Variants in ARHGAP33 observed in about 807,000 individuals in gnomAD.
The protein encoded by ARHGAP33 is rho GTPase-activating protein 33.
A neutral mutation model predicts 126.2 loss-of-function variants in ARHGAP33; 57 were observed. The observed-to-expected ratio is 0.45, with a 90% CI of 0.36 to 0.56. The LOEUF (loss-of-function observed/expected upper bound fraction) is 0.56, where lower values mean the gene tolerates loss of function less well. ARHGAP33 is among the 20% of genes least tolerant of loss of function. The probability of loss-of-function intolerance (pLI) is 0.00; values close to 1 mark genes in which losing one functional copy is unlikely to be tolerated. For missense variants in ARHGAP33, 1,500 were observed against 1,748.3 expected (o/e 0.86, Z 2.53); for synonymous variants, 711 against 755.0 (o/e 0.94, Z 0.95).
In ARHGAP33 at chr19:35,786,051, C is replaced by T; in HGVS notation, c.1943-362C>T. 8.6e-7 allele frequency: 1 copy of T among 1,168,658 alleles called. No individual in the cohort carries two copies. The highest frequency in any genetic ancestry group is 1.1e-6 in the Non-Finnish European group (1 of 944,888). 72.4% of individuals were successfully genotyped at this position (1,168,658 alleles called of 1,614,324 possible). ...GCTGCTCTCCGACCTCTGCGGGGGG[C>T]TGCTTATCCACCCCACCCAGCCGTG... On this transcript the variant is annotated intron_variant, in intron 19 of 20. Transcript: ENST00000007510. This position sits in a 1 kb window ranked among gnomAD's most constrained non-coding sequence, Gnocchi z 7.0.
chr19:35,785,680 A>C (rs1972075882), intron 19 of ARHGAP33, 197 bp downstream of exon 19: 1 of 1,423,644 alleles, frequency 7.0e-7, no homozygotes, highest in Non-Finnish European at 9.1e-7. Flanking sequence ...AACTTAACTT[A>C]CTCATTGGTC....
Position 35,786,880 on chromosome 19 carries a change from C to T in ARHGAP33, c.2410C>T (p.Pro804Ser), listed in dbSNP as rs770741579. The T allele has an allele frequency of 5.6e-5, 90 of 1,606,696 alleles. No homozygotes were observed. The highest frequency in any genetic ancestry group is 1.6e-4 in the East Asian group (7 of 44,776). ...CTCAGAGCCCCTGGCTGTATCAGTG[C>T]CACCCGCTGTCCTAGAACTGCTGGG... ...DISEPLAVSV[P>S]PAVLELLGAG... Residue 804 changes from proline to serine, a missense_variant, in exon 20 of 21, where the codon CCA becomes TCA. Pro to Ser is a moderately conservative substitution (Grantham distance 74). Transcript: ENST00000007510. The surrounding 1 kb of genome is among the most constrained non-coding windows in gnomAD (Gnocchi z 7.0).
At position 35,786,004 on chromosome 19, in the gene ARHGAP33, A is replaced by G. The variant is rs1402919537; in HGVS notation, c.1943-409A>G. On this transcript the variant is annotated intron_variant, in intron 19 of 20. Transcript: ENST00000007510. This position sits in a 1 kb window ranked among gnomAD's most constrained non-coding sequence, Gnocchi z 7.0. ...TTGGCTTTTTCTCCATCGCTACCTC[A>G]CAGCCCGCCGCGCTGCTGGGTGCTG... is the stretch of plus-strand genomic sequence containing the variant. 1.8e-6 allele frequency: 2 copies of G among 1,105,138 alleles called. No individual in the cohort carries two copies. The highest frequency in any genetic ancestry group is 1.1e-6 in the Non-Finnish European group (1 of 905,476). 68.5% of individuals were successfully genotyped at this position (1,105,138 alleles called of 1,614,324 possible). A position where few individuals can be genotyped will look rare whatever the true frequency, so the allele number is the denominator to read the frequency against.
chr19:35,788,499 G>C lies in ARHGAP33; in HGVS notation c.*70G>C. 2 of 1,372,534 alleles carry C rather than the reference G, an allele frequency of 1.5e-6. No homozygotes were observed. Among genetic ancestry groups the C allele is most frequent in the Admixed American group, 6.2e-5 (2 of 32,490 alleles). The allele number at this position is 1,372,534 out of a possible 1,614,324, so 85.0% of individuals were successfully genotyped here. On this transcript the variant is annotated 3_prime_UTR_variant, in exon 21 of 21. Coordinates refer to ENST00000007510, the MANE Select transcript of ARHGAP33 (RefSeq NM_001366178.1). ...GGATCTTGGCCCAACCAAATCCCTT[G>C]TTTTGTATTTTCTTGAACCCCGACC...
Position 35,786,785 on chromosome 19 carries a change from C to A in ARHGAP33, c.2315C>A (p.Pro772His). The A allele has an allele frequency of 6.6e-7, 1 of 1,517,954 alleles. No individual in the cohort carries two copies. The highest frequency in any genetic ancestry group is 1.2e-5 in the South Asian group (1 of 80,864). 94.0% of individuals were successfully genotyped at this position (1,517,954 alleles called of 1,614,324 possible). A position where few individuals can be genotyped will look rare whatever the true frequency, so the allele number is the denominator to read the frequency against. Residue 772 changes from proline (P) to histidine (H), a missense_variant, in exon 20 of 21, where the codon CCC (proline) becomes CAC (histidine). Coordinates refer to ENST00000007510, the MANE Select transcript of ARHGAP33 (RefSeq NM_001366178.1). This position sits in a 1 kb window ranked among gnomAD's most constrained non-coding sequence, Gnocchi z 7.0. The part of the protein sequence containing the change: ...APPAPASAFP[P>H]RVTPQAISPR... ...CCCGCCCCTGCCTCTGCCTTCCCACCCAGGGTGACCCCCCAGGCCATCTCG... is the reference window on the plus strand; with the variant it reads ...CCCGCCCCTGCCTCTGCCTTCCCACACAGGGTGACCCCCCAGGCCATCTCG...
At position 35,787,389 on chromosome 19, in the gene ARHGAP33, G is replaced by A; in HGVS notation, c.2824G>A (p.Glu942Lys). Reference protein sequence around the residue: ...HRSLSLEVGGEPLGTSGSGPP... With the variant: ...HRSLSLEVGGKPLGTSGSGPP... ...CTCGCTGTCTCTGGAGGTGGGCGGG[G>A]AGCCCCTGGGGACCTCAGGGAGTGG... The change falls in exon 21 of 21, where the codon GAG becomes AAG. Residue 942 changes from glutamate (E) to lysine (K), a missense_variant. By Grantham distance (56) the Glu-to-Lys change is moderately conservative. Coordinates refer to ENST00000007510, the MANE Select transcript of ARHGAP33 (RefSeq NM_001366178.1). The A allele has an allele frequency of 6.2e-7, 1 of 1,609,446 alleles. No individual in the cohort carries two copies. Among genetic ancestry groups the A allele is most frequent in the East Asian group, 2.2e-5 (1 of 44,786 alleles).
Position 35,788,456 on chromosome 19 carries a change from C to G in ARHGAP33, c.*27C>G, listed in dbSNP as rs1484657503. 1.3e-6 allele frequency: 2 copies of G among 1,494,594 alleles called. No individual in the cohort carries two copies. The highest frequency in any genetic ancestry group is 8.9e-7 in the Non-Finnish European group (1 of 1,120,258). The allele number at this position is 1,494,594 out of a possible 1,614,324, so 92.6% of individuals were successfully genotyped here. Reference sequence around the variant, plus strand: ...CACCAGCTGGGAGGGGCCGTCCTTCCTTCCCTTCACCCTCACTGGATCTTG... The same window carrying G: ...CACCAGCTGGGAGGGGCCGTCCTTCGTTCCCTTCACCCTCACTGGATCTTG... On this transcript the variant is annotated 3_prime_UTR_variant, in exon 21 of 21. Coordinates refer to ENST00000007510, the MANE Select transcript of ARHGAP33 (RefSeq NM_001366178.1).
chr19:35,780,715 T>G (rs2146702189), intron 9 of ARHGAP33, 42 bp from the exon 10 acceptor site: 1 of 1,613,384 alleles, frequency 6.2e-7, no homozygotes, highest in Non-Finnish European at 8.5e-7. Context: ...CTGCGTCTTT[T>G]GCCTCCCACT....
chr19:35,780,587 G>T lies in ARHGAP33; in HGVS notation c.708G>T (p.Gly236=), dbSNP rs759183272. 7 of 1,590,476 alleles carry T rather than the reference G, an allele frequency of 4.4e-6. No homozygotes were observed. The highest frequency in any genetic ancestry group is 2.3e-5 in the East Asian group (1 of 43,204). The change falls in exon 9 of 21, where the codon GGG becomes GGT. Residue 236 remains glycine, a synonymous_variant. Transcript: ENST00000007510. ...CTGACCCTGACCTTCCTCAGGTCGG[G>T]TTCTTCCCCAGTGAGTGTGTGGAAC... ...WWRGKRGFQV[G]FFPSECVELF...
At position 35,787,041 on chromosome 19, in the gene ARHGAP33, C is replaced by T; in HGVS notation, c.2571C>T (p.Cys857=). The T allele has an allele frequency of 6.2e-7, 1 of 1,607,276 alleles. No homozygotes were observed. Among genetic ancestry groups the T allele is most frequent in the Non-Finnish European group, 8.5e-7 (1 of 1,176,534 alleles). The change falls in exon 20 of 21, where the codon TGC becomes TGT. Residue 857 remains cysteine (C), a synonymous_variant. Coordinates refer to ENST00000007510, the MANE Select transcript of ARHGAP33 (RefSeq NM_001366178.1). ...PLTDACQQEM[C]SKLRGAQGPL... ...CTGACGCCTGCCAGCAGGAGATGTG[C>T]AGCAAGCTCCGGGGAGCCCAGGGCC...
intron 16 of ARHGAP33, 77 bp downstream of exon 16, chr19:35,784,394 C>T: frequency 2.1e-6 from 3 of 1,457,284 alleles, no homozygotes; most frequent in East Asian, 5.3e-5. Flanking sequence ...AGGTGGGCTC[C>T]CAGTCCCGTC....
In ARHGAP33 at chr19:35,788,604, T is replaced by C. The variant is rs1286324482; in HGVS notation, c.*175T>C. On this transcript the variant is annotated 3_prime_UTR_variant, in exon 21 of 21. Transcript: ENST00000007510. ...TAATCTCAGCTTCCCTACCCTGGAC[T>C]GAAGGGTCTGCCCATCCCCCCACCA... is the stretch of plus-strand genomic sequence containing the variant. 7 of 590,192 alleles carry C rather than the reference T, an allele frequency of 1.2e-5. No homozygotes were observed. The highest frequency in any genetic ancestry group is 5.9e-5 in the African/African-American group (3 of 51,214). 36.6% of individuals were successfully genotyped at this position (590,192 alleles called of 1,614,324 possible).
chr19:35,775,974 C>T (rs1382740813), intron 1 of ARHGAP33, among the ~76,000 whole-genome samples: 2 of 151,916 alleles, frequency 1.3e-5, no homozygotes, highest in East Asian at 3.9e-4. Flanking sequence ...CCTCCTGAGG[C>T]TCCTGGGTCC....
At position 35,782,948 on chromosome 19, in the gene ARHGAP33, T is replaced by C; in HGVS notation, c.1421+79T>C. ...AGGAACCCGCCCAGCTTTTCTTTTG[T>C]TTATTCATCGAATACGTGTCTATCA... On this transcript the variant is annotated intron_variant, in intron 15 of 20. Coordinates refer to ENST00000007510, the MANE Select transcript of ARHGAP33 (RefSeq NM_001366178.1). The surrounding 1 kb of genome is among the most constrained non-coding windows in gnomAD (Gnocchi z 4.1). 1.6e-6 allele frequency: 2 copies of C among 1,275,586 alleles called. No individual in the cohort carries two copies. The highest frequency in any genetic ancestry group is 2.9e-5 in the African/African-American group (2 of 67,850). The allele number at this position is 1,275,586 out of a possible 1,614,324, so 79.0% of individuals were successfully genotyped here.
At position 35,780,803 on chromosome 19, in the gene ARHGAP33, G is replaced by A. The variant is rs755982402; in HGVS notation, c.816G>A (p.Ser272=). ...GCATCCCGGCTCCCCAGGGTATCTC[G>A]TCTCTGACCTCAGGTAATAGAAATA... ...PCGIPAPQGI[S]SLTSAVPRPR... The change falls in exon 10 of 21, where the codon TCG becomes TCA. Residue 272 remains serine (S), a synonymous_variant. Coordinates refer to ENST00000007510, the MANE Select transcript of ARHGAP33 (RefSeq NM_001366178.1). 11 of 1,613,942 alleles carry A rather than the reference G, an allele frequency of 6.8e-6. No individual in the cohort carries two copies. The South Asian group carries it at 7.7e-5, about 11-fold the overall frequency.
intron 3 of ARHGAP33, 51 bp downstream of exon 3, chr19:35,777,959 A>G (rs1338023802): frequency 9.5e-6 from 15 of 1,583,844 alleles, no homozygotes; most frequent in Non-Finnish European, 1.3e-5. Context: ...ATCCTACCCA[A>G]CCTTGCAACG....
At chr19:35,779,010 C>T (rs755578106) in intron 5 of ARHGAP33, 22 bp from the exon 6 acceptor site, 29 of 1,546,246 alleles carry the variant, frequency 1.9e-5, no homozygotes, top group Middle Eastern at 2.2e-4. Context: ...CACAGAGGCC[C>T]ACTCTGACAA....
At chr19:35,777,332 G>T (rs148312860) in intron 1 of ARHGAP33, among the ~76,000 whole-genome samples, 3 of 152,270 alleles carry the variant, frequency 2.0e-5, no homozygotes, top group Non-Finnish European at 4.4e-5. Flanking sequence ...CTAGACAGTG[G>T]TAGGAGATCA....
chr19:35,783,125 T>TGAGGAGGAGA (rs1273598980), intron 15 of ARHGAP33, among the ~76,000 whole-genome samples: 4 of 151,972 alleles, frequency 2.6e-5, no homozygotes, highest in African/African-American at 9.7e-5. Context: ...TGATGAGTGC[T>TGAGGAGGAGA]GAGGAGGAGA....
Sources: allele counts gnomAD v4.1 joint callset (sites outside exome capture counted in the v4.1 genomes callset), GRCh38; gene constraint gnomAD v4.1.1; non-coding constraint Gnocchi (gnomAD v3.1); transcripts MANE v1.5; gene names NCBI Gene and HGNC (gene_info 2026-07-23, HGNC 2026-07-21).